Variants in NOS1AP observed in about 807,000 individuals in gnomAD.
NOS1AP encodes the protein carboxyl-terminal PDZ ligand of neuronal nitric oxide synthase protein.
NOS1AP carries 21 observed loss-of-function variants against 56.2 expected under a neutral mutation model. The observed-to-expected ratio is 0.37, with a 90% confidence interval of 0.26 to 0.54. NOS1AP has a LOEUF of 0.54. NOS1AP is among the 20% of genes least tolerant of loss of function. The probability of loss-of-function intolerance (pLI) is 0.84; values close to 1 mark genes in which losing one functional copy is unlikely to be tolerated. For synonymous variants in NOS1AP, 270 were observed against 274.6 expected (o/e 0.98, Z 0.17); for missense variants, 522 against 657.8 (o/e 0.79, Z 2.26).
chr1:162,202,960 G>T (rs1272232214), intron 2 of NOS1AP, among the ~76,000 whole-genome samples: 2 of 152,050 alleles, frequency 1.3e-5, no homozygotes, highest in Non-Finnish European at 1.5e-5. Flanking sequence ...TAAGAGTGTT[G>T]GCTACTAAGA....
At chr1:162,098,565 A>G (rs1692303457) in intron 1 of NOS1AP, among the ~76,000 whole-genome samples, 1 of 151,352 alleles carries the variant, frequency 6.6e-6, no homozygotes, top group Non-Finnish European at 1.5e-5. Flanking sequence ...GGTTTGTTAC[A>G]TAGGTAAATG....
At chr1:162,342,331 G>C (rs1657135460) in intron 5 of NOS1AP, among the ~76,000 whole-genome samples, 1 of 152,224 alleles carries the variant, frequency 6.6e-6, no homozygotes, top group Non-Finnish European at 1.5e-5. Context: ...ATAGGGAGCA[G>C]TAGAGTTGAC....
chr1:162,211,000 T>C (rs538096703), intron 2 of NOS1AP, among the ~76,000 whole-genome samples: 1 of 152,298 alleles, frequency 6.6e-6, no homozygotes, highest in Admixed American at 6.5e-5. Context: ...AGAAAGTTGG[T>C]CTCTTGCTAC....
chr1:162,296,139 T>C (rs1007691442), intron 3 of NOS1AP, among the ~76,000 whole-genome samples: 1 of 151,984 alleles, frequency 6.6e-6, no homozygotes, highest in Non-Finnish European at 1.5e-5. Context: ...ATACAAAAAT[T>C]AGCTGGGCAT....
intron 2 of NOS1AP, among the ~76,000 whole-genome samples, chr1:162,263,619 C>T (rs955460864): frequency 2.0e-5 from 3 of 152,140 alleles, no homozygotes; most frequent in African/African-American, 7.2e-5. Flanking sequence ...TTCTCTCTTT[C>T]CTCTTTTTAC....
chr1:162,353,674 C>T (rs1571240166), intron 6 of NOS1AP, among the ~76,000 whole-genome samples: 1 of 152,246 alleles, frequency 6.6e-6, no homozygotes, highest in East Asian at 1.9e-4. Flanking sequence ...CATCCAATAT[C>T]ATGTGCTAAG....
At chr1:162,114,032 G>T (rs896376884) in intron 1 of NOS1AP, among the ~76,000 whole-genome samples, 2 of 152,226 alleles carry the variant, frequency 1.3e-5, no homozygotes, top group Admixed American at 6.5e-5. Context: ...TCCCGTGGTG[G>T]TGTGGTAAAT....
chr1:162,192,975 TAA>T (rs1340341031), intron 2 of NOS1AP, among the ~76,000 whole-genome samples: 2 of 152,106 alleles, frequency 1.3e-5, no homozygotes, highest in Non-Finnish European at 2.9e-5. Context: ...TGACCCCTGG[TAA>T]AAGTCAAGAG....
At chr1:162,313,170 A>G (rs1172406725) in intron 4 of NOS1AP, among the ~76,000 whole-genome samples, 1 of 152,240 alleles carries the variant, frequency 6.6e-6, no homozygotes, top group Non-Finnish European at 1.5e-5. Context: ...AAAGACAAAC[A>G]GGGTGTCTCC....
chr1:162,309,724 G>A (rs987549603), intron 4 of NOS1AP, among the ~76,000 whole-genome samples: 2 of 152,052 alleles, frequency 1.3e-5, no homozygotes, highest in African/African-American at 4.8e-5. Context: ...AGAAAGGAGA[G>A]CCATGTTATG....
At chr1:162,205,375 T>A (rs1189818843) in intron 2 of NOS1AP, among the ~76,000 whole-genome samples, 1 of 152,250 alleles carries the variant, frequency 6.6e-6, no homozygotes, top group Non-Finnish European at 1.5e-5. Context: ...GGAGCTCCCC[T>A]GTGCCTCTTG....
intron 2 of NOS1AP, among the ~76,000 whole-genome samples, chr1:162,237,831 G>C (rs889104923): frequency 7.9e-5 from 12 of 151,086 alleles, no homozygotes; most frequent in African/African-American, 2.9e-4. Context: ...AGCTACTTTT[G>C]TTGTTACTTT....
intron 2 of NOS1AP, among the ~76,000 whole-genome samples, chr1:162,231,972 T>TC (rs1359625810): frequency 6.6e-6 from 1 of 152,258 alleles, no homozygotes; most frequent in African/African-American, 2.4e-5. Context: ...GGTTTCTTCT[T>TC]CCTACATTTA....
intron 2 of NOS1AP, among the ~76,000 whole-genome samples, chr1:162,277,948 T>C (rs4657180): frequency 0.83 from 126,023 of 152,198 alleles, 52,965 homozygotes; most frequent in Non-Finnish European, 0.9. Flanking sequence ...CCTGATTCCT[T>C]AGTGCTGTTG....
chr1:162,229,811 AGAG>A (rs772805680), intron 2 of NOS1AP, among the ~76,000 whole-genome samples: 41 of 152,290 alleles, frequency 2.7e-4, no homozygotes, highest in Admixed American at 5.9e-4. Flanking sequence ...AACTGAAAAT[AGAG>A]GAGGAGGGGA....
intron 5 of NOS1AP, among the ~76,000 whole-genome samples, chr1:162,333,974 C>T (rs1656859150): frequency 6.6e-6 from 1 of 152,158 alleles, no homozygotes; most frequent in African/African-American, 2.4e-5. Flanking sequence ...TTGGAAAACA[C>T]TATTTGTGCC....
intron 2 of NOS1AP, among the ~76,000 whole-genome samples, chr1:162,232,493 A>G (rs891008327): frequency 1.3e-5 from 2 of 152,052 alleles, no homozygotes; most frequent in East Asian, 1.9e-4. Context: ...TCTTTTCCTC[A>G]GGGAAGCTGA....
At chr1:162,187,123 A>T (rs966613375) in intron 2 of NOS1AP, among the ~76,000 whole-genome samples, 3 of 151,638 alleles carry the variant, frequency 2.0e-5, no homozygotes, top group African/African-American at 7.3e-5. Context: ...GCACCATCAC[A>T]CCTGGCTAAT....
chr1:162,118,842 G>C (rs1648078896), intron 1 of NOS1AP, among the ~76,000 whole-genome samples: 1 of 152,172 alleles, frequency 6.6e-6, no homozygotes, highest in African/African-American at 2.4e-5. Context: ...TTTGGACTCT[G>C]TGAGTTCTTT....
Sources: gnomAD v4.1 joint callset for allele counts (sites outside exome capture counted in the v4.1 genomes callset) on GRCh38, gnomAD v4.1.1 for gene constraint, MANE v1.5 for transcripts, NCBI Gene and HGNC (gene_info 2026-07-23, HGNC 2026-07-21) for gene names.